The following MCHR2 variants were observed in gnomAD, a reference collection of about 807,000 sequenced individuals.
MCHR2 encodes the protein melanin concentrating hormone receptor 2.
In MCHR2, 15 loss-of-function variants were observed where a neutral mutation model predicts 24.8. That is an observed-to-expected ratio of 0.60 (90% CI 0.40 to 0.93). The LOEUF is 0.93. Ranked by LOEUF, MCHR2 falls within the 40% of genes least tolerant of loss-of-function variation. The pLI, the probability that MCHR2 is intolerant of heterozygous loss-of-function variation, is 0.00. For synonymous variants in MCHR2, 151 were observed against 147.6 expected (o/e 1.02, Z -0.17); for missense variants, 386 against 408.7 (o/e 0.94, Z 0.48).
chr6:99,992,492 T>C (rs946464355), intron 1 of MCHR2, among the ~76,000 whole-genome samples: 1 of 152,198 alleles, frequency 6.6e-6, no homozygotes, highest in Non-Finnish European at 1.5e-5. Context: ...AGAGCCAGGC[T>C]GACACTAAAA....
chr6:99,949,579 A>G (rs569873738), intron 2 of MCHR2, among the ~76,000 whole-genome samples: 26 of 152,266 alleles, frequency 1.7e-4, no homozygotes, highest in Non-Finnish European at 1.3e-4. Flanking sequence ...CATGTGAAAC[A>G]TTAGACTGGG....
intron 1 of MCHR2, among the ~76,000 whole-genome samples, chr6:99,972,839 C>G (rs1386797036): frequency 2.0e-5 from 3 of 152,038 alleles, no homozygotes; most frequent in Non-Finnish European, 4.4e-5. Context: ...CATTCAGGAG[C>G]AGGTTGTTCA....
At chr6:99,957,032 C>T (rs1223868995) in intron 1 of MCHR2, among the ~76,000 whole-genome samples, 1 of 151,872 alleles carries the variant, frequency 6.6e-6, no homozygotes, top group Non-Finnish European at 1.5e-5. Flanking sequence ...TCTGAAAAAT[C>T]AGTGGGCATT....
At chr6:99,958,200 G>A (rs2114545178) in intron 1 of MCHR2, among the ~76,000 whole-genome samples, 1 of 152,068 alleles carries the variant, frequency 6.6e-6, no homozygotes, top group Non-Finnish European at 1.5e-5. Flanking sequence ...TATTACACTT[G>A]ATATATGAAA....
intron 1 of MCHR2, among the ~76,000 whole-genome samples, chr6:99,968,740 A>T (rs943854493): frequency 6.6e-6 from 1 of 152,150 alleles, no homozygotes; most frequent in Non-Finnish European, 1.5e-5. Flanking sequence ...TTGTTATAAA[A>T]CAAAGCTCAA....
Position 99,980,049 on chromosome 6 carries a change from A to C in MCHR2, c.-28+13887T>G, listed in dbSNP as rs1196245060. 2.0e-5 allele frequency among the ~76,000 whole-genome samples: 3 copies of C among 152,214 alleles called. No individual in the cohort carries two copies. In the East Asian group the frequency reaches 5.8e-4, roughly 29 times the overall value. On this transcript the variant is annotated intron_variant, in intron 1 of 5. Transcript: ENST00000281806. ...AGTACTGTCATATGAACTTGGTGAC[A>C]CATGCTTGTTAAAGATCTTTGTTTA... is the stretch of plus-strand genomic sequence containing the variant.
intron 3 of MCHR2, among the ~76,000 whole-genome samples, chr6:99,943,585 GT>G (rs1359349855): frequency 6.6e-6 from 1 of 151,630 alleles, no homozygotes; most frequent in East Asian, 1.9e-4. Context: ...AACATGCGGT[GT>G]TTGGTTTTTT....
intron 1 of MCHR2, among the ~76,000 whole-genome samples, chr6:99,979,834 T>C (rs966919579): frequency 1.3e-5 from 2 of 152,232 alleles, no homozygotes; most frequent in African/African-American, 4.8e-5. Flanking sequence ...ATATCCCTTT[T>C]AAGAATTCCA....
intron 1 of MCHR2, among the ~76,000 whole-genome samples, chr6:99,987,031 T>C (rs1775782305): frequency 1.3e-5 from 2 of 152,104 alleles, no homozygotes; most frequent in South Asian, 4.1e-4. Context: ...TTTTTAGTTT[T>C]AGCTTTGTAC....
rs376688154 is a variant in MCHR2, at chr6:99,934,500, G to A, written c.605C>T (p.Thr202Met). 6.9e-6 allele frequency: 11 copies of A among 1,593,966 alleles called. No individual in the cohort carries two copies. The highest frequency in any genetic ancestry group is 2.3e-5 in the East Asian group (1 of 43,746). Residue 202 changes from threonine to methionine, a missense_variant, in exon 5 of 6, where the codon ACG (threonine) becomes ATG (methionine). By Grantham distance (81) the Thr-to-Met change is moderately conservative (BLOSUM62 -1). Transcript: ENST00000281806. ...TAGAGGGAAAAAAAAAGTTGTTATC[G>A]TCAAATAAAGTGTATACCTGTAAAA... is the stretch of plus-strand genomic sequence containing the variant. ...DDVLWYTLYL[T>M]ITTFFFPLPL...
intron 1 of MCHR2, among the ~76,000 whole-genome samples, chr6:99,974,365 T>G (rs1025463956): frequency 9.2e-5 from 14 of 152,262 alleles, no homozygotes; most frequent in Non-Finnish European, 1.6e-4. Context: ...CTCCTGAGGC[T>G]TCTGCATTGT....
chr6:99,933,455 C>T (rs545661184), intron 5 of MCHR2, among the ~76,000 whole-genome samples: 1 of 152,172 alleles, frequency 6.6e-6, no homozygotes, highest in African/African-American at 2.4e-5. Context: ...AATTTTTTTT[C>T]TGTAACTGTG....
At chr6:99,949,322 C>A (rs895175061) in intron 2 of MCHR2, among the ~76,000 whole-genome samples, 3 of 152,064 alleles carry the variant, frequency 2.0e-5, no homozygotes, top group Admixed American at 2.0e-4. Context: ...AGTACAAGGA[C>A]AAGAAGCACA....
intron 1 of MCHR2, among the ~76,000 whole-genome samples, chr6:99,972,288 G>C (rs982042436): frequency 6.6e-6 from 1 of 152,148 alleles, no homozygotes; most frequent in Non-Finnish European, 1.5e-5. Context: ...GTTTAGTCTT[G>C]GGAGGGTGTA....
Position 99,920,920 on chromosome 6 carries a change from A to T in MCHR2, c.*20T>A. On this transcript the variant is annotated 3_prime_UTR_variant, in exon 6 of 6. Transcript: ENST00000281806. Reference sequence around the variant, plus strand: ...AAGATAGACAATCATGTCTAGACTCATGGTGATCCATGTACTTTCCTAAAA... The same window carrying T: ...AAGATAGACAATCATGTCTAGACTCTTGGTGATCCATGTACTTTCCTAAAA... The T allele has an allele frequency of 6.2e-7, 1 of 1,608,222 alleles. No individual in the cohort carries two copies. The highest frequency in any genetic ancestry group is 8.5e-7 in the Non-Finnish European group (1 of 1,176,302).
At chr6:99,983,530 C>T (rs1229872117) in intron 1 of MCHR2, among the ~76,000 whole-genome samples, 1 of 152,168 alleles carries the variant, frequency 6.6e-6, no homozygotes, top group Non-Finnish European at 1.5e-5. Flanking sequence ...AATTTGAAAT[C>T]GTCACACTCA....
chr6:99,949,949 T>G lies in MCHR2; in HGVS notation c.183-1978A>C, dbSNP rs74882793. 8.7e-3 allele frequency among the ~76,000 whole-genome samples: 1,326 copies of G among 152,094 alleles called. 6 individuals carry two copies. Among genetic ancestry groups the G allele is most frequent in the Middle Eastern group, 0.034 (10 of 294 alleles). The stretch of plus-strand genomic sequence containing the variant: ...AAAAAAAAAATCATAAATCTTAGTC[T>G]ATAAATAGATGTTATTTTCATGTGA... On this transcript the variant is annotated intron_variant, in intron 2 of 5. Coordinates refer to ENST00000281806, the MANE Select transcript of MCHR2 (RefSeq NM_001040179.2).
chr6:99,929,838 A>C (rs949760277), intron 5 of MCHR2, among the ~76,000 whole-genome samples: 1 of 149,692 alleles, frequency 6.7e-6, no homozygotes, highest in African/African-American at 2.4e-5. Context: ...GTCCATTTAC[A>C]TTTAAAGTTA....
At chr6:99,980,877 A>G (rs1461350925) in intron 1 of MCHR2, among the ~76,000 whole-genome samples, 1 of 152,216 alleles carries the variant, frequency 6.6e-6, no homozygotes, top group African/African-American at 2.4e-5. Flanking sequence ...ATATCCATTC[A>G]GACACCACAA....
Sources: allele counts gnomAD v4.1 joint callset (sites outside exome capture counted in the v4.1 genomes callset), GRCh38; gene constraint gnomAD v4.1.1; transcripts MANE v1.5; gene names NCBI Gene and HGNC (gene_info 2026-07-23, HGNC 2026-07-21).